ENKUR: variants seen among roughly 807,000 people sequenced by gnomAD.
ENKUR encodes the protein enkurin, TRPC channel interacting protein.
Under a neutral mutation model 27.6 loss-of-function variants are expected in ENKUR, and 19 were observed. That is an observed-to-expected ratio of 0.69 (90% CI 0.48 to 1.01). ENKUR has a LOEUF of 1.01. ENKUR is among the 50% of genes least tolerant of loss of function. The probability of loss-of-function intolerance (pLI) is 0.00; values close to 1 mark genes in which losing one functional copy is unlikely to be tolerated. For synonymous variants in ENKUR, 117 were observed against 96.9 expected (o/e 1.21, Z -1.22); for missense variants, 312 against 310.5 (o/e 1.00, Z -0.04).
intron 3 of ENKUR, among the ~76,000 whole-genome samples, chr10:24,990,969 A>T (rs1849914124): frequency 6.6e-6 from 1 of 152,194 alleles, no homozygotes; most frequent in African/African-American, 2.4e-5. Flanking sequence ...GCATCGTGGC[A>T]TGTGCCAGTA....
intron 1 of ENKUR, among the ~76,000 whole-genome samples, chr10:25,001,316 T>A (rs532106586): frequency 5.9e-4 from 89 of 152,008 alleles, no homozygotes; most frequent in African/African-American, 2.0e-3. Context: ...TGTTTTAAAC[T>A]TTTTTTCTCT....
At chr10:25,054,232 C>CCT (rs1851219753) in intron 2 of ENKUR, among the ~76,000 whole-genome samples, 1 of 152,060 alleles carries the variant, frequency 6.6e-6, no homozygotes, top group South Asian at 2.1e-4. Context: ...ACCAGCCTGG[C>CCT]CAACATGGTA....
intron 1 of ENKUR, among the ~76,000 whole-genome samples, chr10:25,006,619 A>C (rs1850319598): frequency 2.6e-5 from 4 of 152,110 alleles, no homozygotes; most frequent in Admixed American, 2.6e-4. Flanking sequence ...ATAATTTCCC[A>C]TTTGCTTTGA....
chr10:25,044,726 C>T (rs780147611), intron 2 of ENKUR, among the ~76,000 whole-genome samples: 20 of 152,210 alleles, frequency 1.3e-4, no homozygotes, highest in Non-Finnish European at 4.4e-5. Context: ...CTTTGTCTTT[C>T]CTGCAATATG....
chr10:24,993,520 T>A (rs1849973786), intron 3 of ENKUR, among the ~76,000 whole-genome samples: 1 of 152,254 alleles, frequency 6.6e-6, no homozygotes, highest in African/African-American at 2.4e-5. Flanking sequence ...TCTCATGGTA[T>A]GAATGGCATA....
At chr10:25,024,109 T>C (rs1402845373) in intron 2 of ENKUR, 3 of 1,614,032 alleles carry the variant, frequency 1.9e-6, no homozygotes, top group Admixed American at 3.3e-5. Context: ...ACAGATACTG[T>C]TGGAAAGATG....
At chr10:25,039,772 A>T (rs915998611) in intron 2 of ENKUR, among the ~76,000 whole-genome samples, 1 of 152,110 alleles carries the variant, frequency 6.6e-6, no homozygotes, top group South Asian at 2.1e-4. Context: ...TCAGGAATCT[A>T]TGCAGAACTC....
intron 2 of ENKUR, among the ~76,000 whole-genome samples, chr10:25,047,935 T>G (rs761588254): frequency 1.3e-5 from 2 of 152,236 alleles, no homozygotes; most frequent in Non-Finnish European, 2.9e-5. Context: ...GGTCACAATT[T>G]TTTTATTGTC....
chr10:25,002,922 T>TAA (rs563695697), intron 1 of ENKUR, among the ~76,000 whole-genome samples: 4,136 of 147,304 alleles, frequency 0.028, 124 homozygotes, highest in African/African-American at 0.075. Flanking sequence ...TCATTTGGGG[T>TAA]AAAAAAAAAA....
At chr10:25,053,447 C>T (rs1257204563) in intron 2 of ENKUR, among the ~76,000 whole-genome samples, 4 of 152,176 alleles carry the variant, frequency 2.6e-5, no homozygotes, top group African/African-American at 7.2e-5. Context: ...CCCCATTTCC[C>T]CCACTTCCCA....
intron 2 of ENKUR, among the ~76,000 whole-genome samples, chr10:24,997,806 T>C (rs1850097754): frequency 7.0e-6 from 1 of 143,400 alleles, no homozygotes; most frequent in East Asian, 1.9e-4. Flanking sequence ...ACACAAAGGA[T>C]TTATATATAT....
At chr10:25,033,852 T>TATCTATC (rs1011372218) in intron 2 of ENKUR, among the ~76,000 whole-genome samples, 1 of 121,806 alleles carries the variant, frequency 8.2e-6, no homozygotes, top group Non-Finnish European at 1.8e-5. Flanking sequence ...TCTATCTATC[T>TATCTATC]ATCTATCTAT....
chr10:25,023,822 G>A lies in ENKUR; in HGVS notation c.38-27953C>T, dbSNP rs750913667. On this transcript the variant is annotated intron_variant, in intron 2 of 5. Coordinates refer to the ENKUR transcript ENST00000615958. ...TATTATAAGAAGTGGTATGATGCTC[G>A]TGTTTTCTGTGAAAGTGGGGCTTCC... 10 of 1,614,204 alleles carry A rather than the reference G, an allele frequency of 6.2e-6. No individual in the cohort carries two copies. Among genetic ancestry groups the A allele is most frequent in the Non-Finnish European group, 8.5e-6 (10 of 1,180,034 alleles).
intron 3 of ENKUR, 80 bp from the exon 4 acceptor site, chr10:24,990,689 AG>A: frequency 4.4e-6 from 6 of 1,351,760 alleles, no homozygotes; most frequent in Non-Finnish European, 6.0e-6. Context: ...TGATGATGGA[AG>A]AAAAAGAAAT....
intron 2 of ENKUR, chr10:25,023,949 T>C (rs1273862201): frequency 6.2e-7 from 1 of 1,614,184 alleles, no homozygotes; most frequent in Non-Finnish European, 8.5e-7. Flanking sequence ...CTGAAGACTG[T>C]GAACAGAAGG....
At chr10:25,016,271 G>A, upstream of ENKUR, 1 of 743,220 alleles carries the variant, frequency 1.3e-6, no homozygotes, top group Non-Finnish European at 1.7e-6. Context: ...AAGCTCATTT[G>A]GAAGCCACTG....
intron 2 of ENKUR, among the ~76,000 whole-genome samples, chr10:25,036,769 C>A (rs1851013638): frequency 6.6e-6 from 1 of 152,154 alleles, no homozygotes; most frequent in African/African-American, 2.4e-5. Flanking sequence ...AAGCTTGTCA[C>A]AGTAATCTCC....
chr10:25,024,431 T>C, intron 2 of ENKUR: 1 of 1,614,048 alleles, frequency 6.2e-7, no homozygotes, highest in Non-Finnish European at 8.5e-7. Context: ...AGGATAGCTG[T>C]GGTTGCATTT....
At chr10:24,985,931 G>A (rs1342060932) in intron 4 of ENKUR, among the ~76,000 whole-genome samples, 1 of 152,090 alleles carries the variant, frequency 6.6e-6, no homozygotes, top group Non-Finnish European at 1.5e-5. Flanking sequence ...AGCCAGGTGT[G>A]GTAGCATGGG....
Sources: allele counts gnomAD v4.1 joint callset (sites outside exome capture counted in the v4.1 genomes callset), GRCh38; gene constraint gnomAD v4.1.1; transcripts MANE v1.5; gene names NCBI Gene and HGNC (gene_info 2026-07-23, HGNC 2026-07-21).